The following FRMPD4 variants were observed in gnomAD, a reference collection of about 807,000 sequenced individuals.
FRMPD4 encodes FERM and PDZ domain containing 4, also known as FERM and PDZ domain-containing protein 4.
A neutral mutation model predicts 94.1 loss-of-function variants in FRMPD4; 22 were observed. The ratio of observed to expected loss-of-function variants is 0.23; its 90% CI spans 0.17 to 0.33. FRMPD4 has a LOEUF of 0.33. Ranked by LOEUF, FRMPD4 falls within the 10% of genes least tolerant of loss-of-function variation. FRMPD4 has a pLI of 1.00. For missense variants in FRMPD4, 1,111 were observed against 1,339.9 expected, an observed-to-expected ratio of 0.83 and a Z score of 2.67; for synonymous variants, 631 against 548.6, an observed-to-expected ratio of 1.15 and a Z score of -2.10.
At chrX:12,244,152 G>A (rs1040623854) in intron 1 of FRMPD4, among the ~76,000 whole-genome samples, 1 of 109,998 alleles carries the variant, frequency 9.1e-6, no homozygotes, top group Non-Finnish European at 1.9e-5. Context: ...AAATGAAGCT[G>A]CATTTCTTCT....
intron 9 of FRMPD4, among the ~76,000 whole-genome samples, chrX:12,695,862 G>A (rs953264941): frequency 2.7e-5 from 3 of 110,926 alleles, no homozygotes; most frequent in African/African-American, 9.9e-5. Flanking sequence ...TCAGCCTCCC[G>A]AGTAGCTGGG....
chrX:11,854,319 A>G (rs768496152), intron 1 of FRMPD4, among the ~76,000 whole-genome samples: 1 of 111,654 alleles, frequency 9.0e-6, no homozygotes, highest in Non-Finnish European at 1.9e-5. Context: ...CAGCCAAACC[A>G]TAACATTCTG....
At chrX:12,663,046 G>T (rs993089427) in intron 4 of FRMPD4, among the ~76,000 whole-genome samples, 1 of 112,173 alleles carries the variant, frequency 8.9e-6, no homozygotes. Context: ...TTTTGATAGG[G>T]TTGTTTGGTT....
At chrX:12,148,633 A>G (rs868465369) in intron 1 of FRMPD4, among the ~76,000 whole-genome samples, 3 of 112,928 alleles carry the variant, frequency 2.7e-5, no homozygotes, top group Middle Eastern at 9.2e-3. Context: ...GCAGATTTTC[A>G]GTGTAGACTA....
intron 2 of FRMPD4, among the ~76,000 whole-genome samples, chrX:12,526,087 G>A (rs1389182739): frequency 8.9e-6 from 1 of 112,479 alleles, no homozygotes; most frequent in Non-Finnish European, 1.9e-5. Context: ...GTCTGAGAGT[G>A]CTACAGGGTA....
intron 3 of FRMPD4, among the ~76,000 whole-genome samples, chrX:12,100,811 C>A (rs56077777): frequency 0.51 from 56,245 of 110,422 alleles, 12,236 homozygotes; most frequent in Non-Finnish European, 0.71. Flanking sequence ...AGCTAAAAAG[C>A]AAGGCATTGA....
Position 12,498,721 on chromosome X carries a change from C to G in FRMPD4, c.83C>G (p.Thr28Ser), listed in dbSNP as rs1410401761. The stretch of plus-strand genomic sequence containing the variant: ...TCAGGCTGGCCGCCTCCCTCGGGAA[C>G]CTGGGGCTTGAGCCAGGTGCCGCCC... ...KSSGWPPPSG[T>S]WGLSQVPPYG... Residue 28 changes from threonine (T) to serine (S), a missense_variant, in exon 2 of 17, where the codon ACC becomes AGC. Thr to Ser is a moderately conservative substitution (Grantham distance 58). Around this residue, in one of 8 missense-constraint regions of FRMPD4, gnomAD observed 140 missense variants for 165.9 expected, o/e 0.84. Coordinates refer to ENST00000675598, the MANE Select transcript of FRMPD4 (RefSeq NM_001368397.1). 3 of 1,199,450 alleles carry G rather than the reference C, an allele frequency of 2.5e-6. No homozygotes were observed. Among genetic ancestry groups the G allele is most frequent in the Non-Finnish European group, 3.4e-6 (3 of 889,033 alleles).
chrX:12,685,593 T>TTGTTTC (rs2147110104), intron 6 of FRMPD4, among the ~76,000 whole-genome samples: 1 of 111,676 alleles, frequency 9.0e-6, no homozygotes, highest in South Asian at 3.7e-4. Flanking sequence ...GTTTTTGTTT[T>TTGTTTC]GCAGTTGCAA....
intron 1 of FRMPD4, among the ~76,000 whole-genome samples, chrX:12,232,320 A>G (rs1195501127): frequency 8.9e-6 from 1 of 111,943 alleles, no homozygotes; most frequent in African/African-American, 3.2e-5. Context: ...GGGAGGCCTC[A>G]GGAAACTTAC....
At chrX:12,392,114 A>G (rs909920970) in intron 1 of FRMPD4, among the ~76,000 whole-genome samples, 7 of 108,849 alleles carry the variant, frequency 6.4e-5, no homozygotes, top group Admixed American at 4.8e-4. Context: ...GCTCACTGCA[A>G]CCTCTGCCCC....
At chrX:12,540,420 A>G (rs1038182877) in intron 2 of FRMPD4, among the ~76,000 whole-genome samples, 2 of 111,781 alleles carry the variant, frequency 1.8e-5, no homozygotes, top group African/African-American at 6.5e-5. Context: ...GGAACACAAA[A>G]AAAGGCAGGG....
intron 1 of FRMPD4, among the ~76,000 whole-genome samples, chrX:12,350,913 C>T (rs777823756): frequency 5.3e-5 from 6 of 112,548 alleles, no homozygotes; most frequent in South Asian, 3.7e-4. Flanking sequence ...CAGTGGCTCA[C>T]GCCTGTAATC....
chrX:12,699,754 G>A (rs905507656), intron 9 of FRMPD4, among the ~76,000 whole-genome samples: 1 of 112,629 alleles, frequency 8.9e-6, no homozygotes, highest in Non-Finnish European at 1.9e-5. Flanking sequence ...TATATTTAAC[G>A]TATATCCATG....
intron 3 of FRMPD4, among the ~76,000 whole-genome samples, chrX:12,053,347 AAAGGAAAGAAAG>A (rs1179563854): frequency 1.1e-5 from 1 of 95,227 alleles, no homozygotes; most frequent in Non-Finnish European, 2.1e-5. Flanking sequence ...AGAAAGAAAG[AAAGGAAAGAAAG>A]AAGAAAGAAA....
In FRMPD4 at chrX:12,718,678, G is replaced by A. The variant is rs749642779; in HGVS notation, c.3852G>A (p.Gly1284=). Residue 1284 remains glycine (G), a synonymous_variant, in exon 16 of 17, where the codon GGG becomes GGA. Transcript: ENST00000675598. ...AGGAACTGCACCCACAGACAGAAGG[G>A]ATGTGTCCACGGATGACAGTGCCTG... The part of the protein sequence containing the change: ...TFKELHPQTE[G]MCPRMTVPAL... The A allele has an allele frequency of 5.6e-5, 68 of 1,206,917 alleles. No individual in the cohort carries two copies. The highest frequency in any genetic ancestry group is 7.2e-5 in the Non-Finnish European group (64 of 892,273).
intron 1 of FRMPD4, among the ~76,000 whole-genome samples, chrX:12,211,638 T>C (rs1362233815): frequency 8.9e-6 from 1 of 112,244 alleles, no homozygotes; most frequent in Non-Finnish European, 1.9e-5. Flanking sequence ...TAAATAATCA[T>C]ACCCATTTTC....
intron 1 of FRMPD4, among the ~76,000 whole-genome samples, chrX:12,235,899 G>A (rs990388771): frequency 5.4e-5 from 6 of 111,596 alleles, no homozygotes; most frequent in African/African-American, 1.3e-4. Flanking sequence ...TGCCAACATC[G>A]TAGGGATGCT....
chrX:12,435,798 T>C (rs973827204), intron 1 of FRMPD4, among the ~76,000 whole-genome samples: 2 of 111,569 alleles, frequency 1.8e-5, no homozygotes, highest in African/African-American at 6.5e-5. Flanking sequence ...ACTTGAAATC[T>C]CCAGTAAAAT....
Position 12,275,595 on chromosome X carries a change from T to A in FRMPD4, c.41+136583T>A, listed in dbSNP as rs148416201. On this transcript the variant is annotated intron_variant, in intron 1 of 16. Coordinates refer to ENST00000675598, the MANE Select transcript of FRMPD4 (RefSeq NM_001368397.1). ...TCGAAGGTGTGTGGATGCAGTAAGA[T>A]GGAATTTCAAGCAGAGGACTTGATG... Among the ~76,000 whole-genome samples the A allele has an allele frequency of 4.1e-3, 449 of 108,260 alleles. 2 individuals are homozygous for A. The highest frequency in any genetic ancestry group is 0.014 in the African/African-American group (419 of 29,628). 94.0% of individuals were successfully genotyped at this position (108,260 alleles called of 115,157 possible).
Sources: allele counts gnomAD v4.1 joint callset (sites outside exome capture counted in the v4.1 genomes callset), GRCh38; gene constraint gnomAD v4.1.1; regional missense constraint gnomAD v4.1.1; transcripts MANE v1.5; gene names NCBI Gene and HGNC (gene_info 2026-07-23, HGNC 2026-07-21).